The following PRICKLE3 variants were observed in gnomAD, a reference collection of about 807,000 sequenced individuals.
PRICKLE3 encodes the protein prickle planar cell polarity protein 3.
PRICKLE3 carries 17 observed loss-of-function variants against 33.8 expected under a neutral mutation model. The ratio of observed to expected loss-of-function variants is 0.50; its 90% CI spans 0.34 to 0.75. The LOEUF is 0.75. Among genes scored for constraint, PRICKLE3 ranks in the 30% least tolerant of loss-of-function variants. PRICKLE3 has a pLI of 0.01. For missense variants in PRICKLE3, 573 were observed against 576.7 expected (o/e 0.99, Z 0.07); for synonymous variants, 211 against 219.6 (o/e 0.96, Z 0.34).
rs949142965 is a variant in PRICKLE3, at chrX:49,175,094, A to G, written c.*579T>C. 3.9e-6 allele frequency: 1 copy of G among 256,068 alleles called. No homozygotes were observed. The highest frequency in any genetic ancestry group is 6.9e-6 in the Non-Finnish European group (1 of 144,164). The allele number at this position is 256,068 out of a possible 1,213,427, so 21.1% of individuals were successfully genotyped here. A position where few individuals can be genotyped will look rare whatever the true frequency, so the allele number is the denominator to read the frequency against. On this transcript the variant is annotated 3_prime_UTR_variant, in exon 9 of 9. Coordinates refer to ENST00000599218, the MANE Select transcript of PRICKLE3 (RefSeq NM_006150.5). ...AATAAACATTGTTAAAATATACGAT[A>G]ATGAATAAAGTAATCCTTTCATCAA...
rs1302664364 is a variant in PRICKLE3, at chrX:49,175,290, C to T, written c.*383G>A. 1.7e-5 allele frequency: 3 copies of T among 174,460 alleles called. No homozygotes were observed. Among genetic ancestry groups the T allele is most frequent in the African/African-American group, 3.1e-5 (1 of 32,551 alleles). The allele number at this position is 174,460 out of a possible 1,213,427, so 14.4% of individuals were successfully genotyped here. The stretch of plus-strand genomic sequence containing the variant: ...GTAATCCCAGTCCTTTGGGAGGCTG[C>T]GGGAGGATTGCTTGAGCCCAGGAGT... On this transcript the variant is annotated 3_prime_UTR_variant, in exon 9 of 9. Transcript: ENST00000599218.
chrX:49,179,528 T>C (rs964285341), intron 4 of PRICKLE3, 140 bp from the exon 5 acceptor site: 82 of 976,292 alleles, frequency 8.4e-5, no homozygotes, highest in Non-Finnish European at 1.1e-4. Flanking sequence ...CACCTCTTCT[T>C]CCAAGGCCCA....
intron 5 of PRICKLE3, among the ~76,000 whole-genome samples, chrX:49,178,868 T>C (rs1172568085): frequency 9.0e-6 from 1 of 111,652 alleles, no homozygotes; most frequent in Non-Finnish European, 1.9e-5. Flanking sequence ...TGCTTACCAC[T>C]GGGCCCTGCA....
rs982293453 is a variant in PRICKLE3 at position 49,186,335 on chromosome X, C to A, written c.-38G>T. The A allele has an allele frequency of 4.2e-5, 46 of 1,090,978 alleles. No individual in the cohort carries two copies. Among genetic ancestry groups the A allele is most frequent in the Non-Finnish European group, 4.8e-5 (40 of 833,520 alleles). 89.9% of individuals were successfully genotyped at this position (1,090,978 alleles called of 1,213,427 possible). ...CAGGGTCAAGCCGGGCCGGGTCAGG[C>A]GAATGTAATCCTTGCGACCGTCAGG... On this transcript the variant is annotated 5_prime_UTR_variant, in exon 1 of 9. Coordinates refer to ENST00000599218, the MANE Select transcript of PRICKLE3 (RefSeq NM_006150.5).
chrX:49,175,012 C>A lies in PRICKLE3; in HGVS notation c.*661G>T, dbSNP rs2147869266. On this transcript the variant is annotated 3_prime_UTR_variant, in exon 9 of 9. Coordinates refer to ENST00000599218, the MANE Select transcript of PRICKLE3 (RefSeq NM_006150.5). ...TCAGAGTCCAGGCCCTAGGTTGGGACCCACTCCAAATAATCTCCTCGGTGT... is the reference window on the plus strand; with the variant it reads ...TCAGAGTCCAGGCCCTAGGTTGGGAACCACTCCAAATAATCTCCTCGGTGT... 4.9e-6 allele frequency: 2 copies of A among 404,718 alleles called. No homozygotes were observed. The highest frequency in any genetic ancestry group is 8.1e-5 in the East Asian group (2 of 24,580). 33.4% of individuals were successfully genotyped at this position (404,718 alleles called of 1,213,427 possible). A position where few individuals can be genotyped will look rare whatever the true frequency, so the allele number is the denominator to read the frequency against.
chrX:49,184,752 G>A, intron 1 of PRICKLE3, 42 bp from the exon 2 acceptor site: 1 of 1,161,982 alleles, frequency 8.6e-7, no homozygotes, highest in Non-Finnish European at 1.2e-6. Context: ...GTGAGGCGCG[G>A]AAGCAGGGAA....
At chrX:49,185,161 A>G (rs1429570483) in intron 1 of PRICKLE3, among the ~76,000 whole-genome samples, 3 of 111,259 alleles carry the variant, frequency 2.7e-5, no homozygotes, top group Non-Finnish European at 5.7e-5. Context: ...TCCACAGGGT[A>G]GGAGACGAGA....
chrX:49,186,195 GC>G, intron 1 of PRICKLE3, 60 bp downstream of exon 1: 2 of 1,110,476 alleles, frequency 1.8e-6, no homozygotes, highest in Non-Finnish European at 1.2e-6. Context: ...CCTATCCATT[GC>G]CCCCTTGCCT....
intron 7 of PRICKLE3, 144 bp downstream of exon 7, chrX:49,177,849 G>T: frequency 1.6e-6 from 1 of 610,824 alleles, no homozygotes; most frequent in Non-Finnish European, 2.3e-6. Context: ...GCAACCAAGC[G>T]TACAGGTCTA....
At chrX:49,179,112 C>T in intron 5 of PRICKLE3, 139 bp downstream of exon 5, 1 of 843,475 alleles carries the variant, frequency 1.2e-6, no homozygotes. Flanking sequence ...CAGACCCCGC[C>T]CACAAGAGGG....
At chrX:49,183,585 C>T in intron 3 of PRICKLE3, 149 bp downstream of exon 3, 1 of 1,116,213 alleles carries the variant, frequency 9.0e-7, no homozygotes, top group Non-Finnish European at 1.2e-6. Flanking sequence ...ACCACTCTTC[C>T]ATCACAGAGG....
In PRICKLE3 at chrX:49,175,951, G is replaced by A. The variant is rs782515920; in HGVS notation, c.1570C>T (p.Arg524Cys). ...HHHNHHHHHN[R>C]HPSRRRHYQC... ...TAGTGGCGACGTCTGCTTGGGTGGC[G>A]GTTGTGATGGTGATGGTGATTATGA... Residue 524 changes from arginine (R) to cysteine (C), a missense_variant, in exon 9 of 9, where the codon CGC becomes TGC. Transcript: ENST00000599218. 3.3e-5 allele frequency: 40 copies of A among 1,211,206 alleles called. No individual in the cohort carries two copies. The highest frequency in any genetic ancestry group is 3.8e-5 in the Non-Finnish European group (34 of 895,449).
chrX:49,178,353 G>A lies in PRICKLE3; in HGVS notation c.687C>T (p.Ile229=), dbSNP rs782333042. The A allele has an allele frequency of 1.2e-5, 15 of 1,209,745 alleles. 1 individual carries two copies. The South Asian group carries it at 2.7e-4, about 21-fold the overall frequency. The change falls in exon 6 of 9, where the codon ATC becomes ATT. Residue 229 remains isoleucine (I), a synonymous_variant. Transcript: ENST00000599218. The part of the protein sequence containing the change: ...TTCQELLVDL[I]YFYHVGKVYC... ...AGACCTTGCCAACATGGTAGAAGTAGATGAGGTCAACCAGCAGTTCCTGGC... is the reference window on the plus strand; with the variant it reads ...AGACCTTGCCAACATGGTAGAAGTAAATGAGGTCAACCAGCAGTTCCTGGC...
chrX:49,179,282 G>C lies in PRICKLE3; in HGVS notation c.533C>G (p.Pro178Arg), dbSNP rs200135955. ...NLGRGIVRIFPVTITGAICEE... is the reference protein window; with the variant it reads ...NLGRGIVRIFRVTITGAICEE... The stretch of plus-strand genomic sequence containing the variant: ...ACAGATGGCCCCAGTGATGGTCACC[G>C]GGAAGATGCGCACGATGCCACGCCC... The change falls in exon 5 of 9, where the codon CCG becomes CGG. Residue 178 changes from proline (P) to arginine (R), a missense_variant. By Grantham distance (103) the Pro-to-Arg change is moderately radical (BLOSUM62 -2). Coordinates refer to ENST00000599218, the MANE Select transcript of PRICKLE3 (RefSeq NM_006150.5). The C allele has an allele frequency of 1.0e-4, 122 of 1,209,552 alleles. No homozygotes were observed. The highest frequency in any genetic ancestry group is 1.2e-4 in the Non-Finnish European group (109 of 894,941).
In PRICKLE3 at chrX:49,179,718, T is replaced by C; in HGVS notation, c.401A>G (p.His134Arg). The C allele has an allele frequency of 8.4e-7, 1 of 1,189,653 alleles. No homozygotes were observed. ...GEKYRIKQLL[H>R]QLPPHDSEAQ... is the part of the protein sequence containing the mutation. ...CTCACTGTCGTGTGGGGGCAGCTGG[T>C]GCAGCAGCTGCTTGATCCTGTATTT... is the stretch of plus-strand genomic sequence containing the variant. The change falls in exon 4 of 9, where the codon CAC (histidine) becomes CGC (arginine). Residue 134 changes from histidine (H) to arginine (R), a missense_variant. Transcript: ENST00000599218.
At chrX:49,181,475 ATG>A (rs1193677891) in intron 3 of PRICKLE3, among the ~76,000 whole-genome samples, 8 of 93,168 alleles carry the variant, frequency 8.6e-5, no homozygotes, top group African/African-American at 3.1e-4. Flanking sequence ...TTTTATATAT[ATG>A]TATATAGATG....
intron 3 of PRICKLE3, among the ~76,000 whole-genome samples, chrX:49,182,028 C>T (rs1258378457): frequency 9.2e-6 from 1 of 108,995 alleles, no homozygotes; most frequent in Non-Finnish European, 1.9e-5. Flanking sequence ...CTCACTGCAA[C>T]CTCTGCCTCC....
chrX:49,178,298 G>T lies in PRICKLE3; in HGVS notation c.742C>A (p.Arg248Ser). The T allele has an allele frequency of 8.3e-7, 1 of 1,200,757 alleles. No homozygotes were observed. The highest frequency in any genetic ancestry group is 1.1e-6 in the Non-Finnish European group (1 of 889,933). ...YCGRHHAECLRPRCQACDEII... is the reference protein window; with the variant it reads ...YCGRHHAECLSPRCQACDEII... ...TCGTCACAGGCTTGGCAGCGTGGAC[G>T]CAGGCATTCGGCATGGTGACGCCCG... The change falls in exon 6 of 9, where the codon CGT becomes AGT. Residue 248 changes from arginine to serine, a missense_variant. Arg to Ser is a moderately radical substitution (Grantham distance 110). Coordinates refer to ENST00000599218, the MANE Select transcript of PRICKLE3 (RefSeq NM_006150.5).
intron 4 of PRICKLE3, 146 bp from the exon 5 acceptor site, chrX:49,179,534 G>T: frequency 1.0e-6 from 1 of 962,387 alleles, no homozygotes. Flanking sequence ...TTCTTCCAAG[G>T]CCCAGCTGTG....
Sources: allele counts gnomAD v4.1 joint callset (sites outside exome capture counted in the v4.1 genomes callset), GRCh38; gene constraint gnomAD v4.1.1; transcripts MANE v1.5; gene names NCBI Gene and HGNC (gene_info 2026-07-23, HGNC 2026-07-21).